The following RABGAP1L variants were observed in gnomAD, a reference collection of about 807,000 sequenced individuals.
RABGAP1L encodes the protein rab GTPase-activating protein 1-like.
Under a neutral mutation model 137.7 loss-of-function variants are expected in RABGAP1L, and 63 were observed. The ratio of observed to expected loss-of-function variants is 0.46; its 90% confidence interval spans 0.37 to 0.56. The LOEUF (loss-of-function observed/expected upper bound fraction) is 0.56. RABGAP1L is among the 20% of genes least tolerant of loss of function. The pLI, the probability that RABGAP1L is intolerant of heterozygous loss-of-function variation, is 0.00. For synonymous variants in RABGAP1L, 431 were observed against 433.7 expected, an observed-to-expected ratio of 0.99 and a Z score of 0.08; for missense variants, 1,095 against 1,244.0, an observed-to-expected ratio of 0.88 and a Z score of 1.80.
At chr1:174,281,274 T>C (rs1421622473) in intron 10 of RABGAP1L, among the ~76,000 whole-genome samples, 1 of 151,860 alleles carries the variant, frequency 6.6e-6, no homozygotes, top group Non-Finnish European at 1.5e-5. Flanking sequence ...TTGGTCCATT[T>C]TACAGAGCAC....
At chr1:174,678,008 C>T (rs532347764) in intron 14 of RABGAP1L, among the ~76,000 whole-genome samples, 1 of 151,910 alleles carries the variant, frequency 6.6e-6, no homozygotes, top group African/African-American at 2.4e-5. Flanking sequence ...TAAATCCTTA[C>T]CAAGACTAAT....
At chr1:174,946,915 A>AT (rs1362850724) in intron 19 of RABGAP1L, among the ~76,000 whole-genome samples, 3,259 of 53,760 alleles carry the variant, frequency 0.061, 206 homozygotes, top group Non-Finnish European at 0.087. Context: ...AAAAAAAAAA[A>AT]AAATATATAT....
At chr1:174,880,794 C>G (rs1654067003) in intron 19 of RABGAP1L, among the ~76,000 whole-genome samples, 1 of 151,880 alleles carries the variant, frequency 6.6e-6, no homozygotes, top group South Asian at 2.1e-4. Context: ...GCTATGTTGC[C>G]CAAGCTGGTT....
At chr1:174,803,799 G>A (rs769844945) in intron 18 of RABGAP1L, among the ~76,000 whole-genome samples, 5 of 152,060 alleles carry the variant, frequency 3.3e-5, no homozygotes, top group East Asian at 3.9e-4. Context: ...CAGGCCAAGC[G>A]CAGTGGCTCA....
chr1:174,349,430 G>A (rs1156279236), intron 11 of RABGAP1L, among the ~76,000 whole-genome samples: 5 of 125,202 alleles, frequency 4.0e-5, no homozygotes, highest in Middle Eastern at 5.6e-3. Context: ...CCTCCCTCCC[G>A]GACGAGGCGG....
chr1:174,295,891 A>T (rs1179436124), intron 10 of RABGAP1L, among the ~76,000 whole-genome samples: 1 of 152,130 alleles, frequency 6.6e-6, no homozygotes, highest in Non-Finnish European at 1.5e-5. Context: ...GATATTTGTA[A>T]CCTAAGCTTG....
At chr1:174,449,633 T>C (rs555401632) in intron 13 of RABGAP1L, among the ~76,000 whole-genome samples, 3 of 152,334 alleles carry the variant, frequency 2.0e-5, no homozygotes, top group South Asian at 4.1e-4. Flanking sequence ...TGCTACATAT[T>C]ATATATGTGG....
intron 17 of RABGAP1L, among the ~76,000 whole-genome samples, chr1:174,720,830 TAG>T (rs1681470336): frequency 6.6e-6 from 1 of 152,118 alleles, no homozygotes; most frequent in Non-Finnish European, 1.5e-5. Flanking sequence ...GTTCAGGAAT[TAG>T]GTAGTGATGA....
intron 13 of RABGAP1L, among the ~76,000 whole-genome samples, chr1:174,421,927 C>G (rs6699697): frequency 0.33 from 50,499 of 152,000 alleles, 10,319 homozygotes; most frequent in African/African-American, 0.57. Flanking sequence ...TGCCACCATG[C>G]CTGGCTAATT....
At chr1:174,365,531 G>A (rs1288982231) in intron 11 of RABGAP1L, among the ~76,000 whole-genome samples, 1 of 152,104 alleles carries the variant, frequency 6.6e-6, no homozygotes, top group Non-Finnish European at 1.5e-5. Flanking sequence ...ATGTTTCCCT[G>A]CTGGCTAGGG....
In RABGAP1L at chr1:174,202,749, T is replaced by A. The variant is rs572937032; in HGVS notation, c.-33-16376T>A. Reference sequence around the variant, plus strand: ...CCCATGCCTATGTCCTGAATGGTATTGCCTAGGTTTTCTTCTAGGGTTTTT... The same window carrying A: ...CCCATGCCTATGTCCTGAATGGTATAGCCTAGGTTTTCTTCTAGGGTTTTT... On this transcript the variant is annotated intron_variant, in intron 1 of 25. Transcript: ENST00000681986. Among the ~76,000 whole-genome samples, 3 of 152,342 alleles carry A rather than the reference T, an allele frequency of 2.0e-5. No individual in the cohort carries two copies. In the South Asian group the frequency reaches 6.2e-4, roughly 32 times the overall value.
intron 15 of RABGAP1L, among the ~76,000 whole-genome samples, chr1:174,685,393 C>T (rs1464910605): frequency 6.6e-6 from 1 of 151,998 alleles, no homozygotes; most frequent in African/African-American, 2.4e-5. Flanking sequence ...GCTGGGACTA[C>T]AGGCTCCTGC....
At chr1:174,676,643 A>G (rs527286001) in intron 14 of RABGAP1L, among the ~76,000 whole-genome samples, 28 of 152,288 alleles carry the variant, frequency 1.8e-4, no homozygotes, top group Non-Finnish European at 3.1e-4. Flanking sequence ...CTATTTTCCA[A>G]TGAAAGTTTA....
rs1054313083 is a variant in RABGAP1L, at chr1:174,364,243, CTTTTTTTTTTTTT to C, written c.1466-6719_1466-6707del. Among the ~76,000 whole-genome samples the C allele has an allele frequency of 3.6e-4, 29 of 81,174 alleles. 1 individual carries two copies. The highest frequency in any genetic ancestry group is 2.3e-3 in the East Asian group (5 of 2,210). The allele number at this position is 81,174 out of a possible 152,430, so 53.3% of individuals were successfully genotyped here. A position where few individuals can be genotyped will look rare whatever the true frequency, so the allele number is the denominator to read the frequency against. ...TTGTTCTGTTCAGCTTTTGGATTTC[CTTTTTTTTTTTTT>C]TTTTTTTTTTTTTTTTGAGACGGAG... On this transcript the variant is annotated intron_variant, in intron 11 of 25. Coordinates refer to ENST00000681986, the MANE Select transcript of RABGAP1L (RefSeq NM_001366446.1).
rs143933341 is a variant in RABGAP1L, at chr1:174,428,821, A to G, written c.1710+34676A>G. The stretch of plus-strand genomic sequence containing the variant: ...AGATATACAATTAAATGCAAACTAT[A>G]CTCTTAACTCTCATGACCATAATCT... On this transcript the variant is annotated intron_variant, in intron 13 of 25. Coordinates refer to ENST00000681986, the MANE Select transcript of RABGAP1L (RefSeq NM_001366446.1). Among the ~76,000 whole-genome samples the G allele has an allele frequency of 7.4e-4, 113 of 152,284 alleles. 2 individuals carry two copies. In the East Asian group the frequency reaches 0.021, roughly 29 times the overall value.
At chr1:174,328,901 C>T (rs1167782779) in intron 11 of RABGAP1L, among the ~76,000 whole-genome samples, 1 of 151,698 alleles carries the variant, frequency 6.6e-6, no homozygotes, top group Non-Finnish European at 1.5e-5. Context: ...AGAAAGATCT[C>T]AAATAAACAA....
intron 4 of RABGAP1L, among the ~76,000 whole-genome samples, chr1:174,239,617 C>T (rs117168661): frequency 6.6e-6 from 1 of 151,344 alleles, no homozygotes; most frequent in East Asian, 1.9e-4. Flanking sequence ...TATTTATTTG[C>T]TTATTGGTTT....
At chr1:174,892,205 G>A (rs1656284369) in intron 19 of RABGAP1L, among the ~76,000 whole-genome samples, 1 of 152,240 alleles carries the variant, frequency 6.6e-6, no homozygotes, top group South Asian at 2.1e-4. Flanking sequence ...GAGGCCTGTA[G>A]CTACCAGCTG....
chr1:174,950,856 A>G (rs1667592460), intron 19 of RABGAP1L, among the ~76,000 whole-genome samples: 1 of 152,206 alleles, frequency 6.6e-6, no homozygotes, highest in East Asian at 1.9e-4. Context: ...AACTTGGGTC[A>G]TATCAGCCTT....
Sources: allele counts gnomAD v4.1 joint callset (sites outside exome capture counted in the v4.1 genomes callset), GRCh38; gene constraint gnomAD v4.1.1; transcripts MANE v1.5; gene names NCBI Gene and HGNC (gene_info 2026-07-23, HGNC 2026-07-21).